Variants in SHANK2 observed in about 807,000 individuals in gnomAD.
SHANK2 encodes the protein SH3 and multiple ankyrin repeat domains protein 2.
SHANK2 carries 43 observed loss-of-function variants against 133.7 expected under a neutral mutation model. That is an observed-to-expected ratio of 0.32 (90% CI 0.25 to 0.41). The LOEUF is 0.41. Ranked by LOEUF, SHANK2 falls within the 10% of genes least tolerant of loss-of-function variation. SHANK2 has a pLI of 1.00. For missense variants in SHANK2, 1,994 were observed against 2,235.8 expected, an observed-to-expected ratio of 0.89 and a Z score of 2.18; for synonymous variants, 1,017 against 952.8, an observed-to-expected ratio of 1.07 and a Z score of -1.24.
chr11:70,499,099 G>A (rs542613015), intron 21 of SHANK2, among the ~76,000 whole-genome samples: 1 of 152,348 alleles, frequency 6.6e-6, no homozygotes, highest in African/African-American at 2.4e-5. Context: ...GAGGCAGCAC[G>A]AGGGGCCTGG....
chr11:70,685,279 G>A (rs575077045), intron 15 of SHANK2, among the ~76,000 whole-genome samples: 20 of 151,994 alleles, frequency 1.3e-4, no homozygotes, highest in Non-Finnish European at 2.5e-4. Context: ...TCCTCCTGCC[G>A]CCCAGAAAAG....
intron 3 of SHANK2, among the ~76,000 whole-genome samples, chr11:71,141,287 G>A (rs1461549665): frequency 2.6e-5 from 4 of 151,944 alleles, no homozygotes; most frequent in Admixed American, 6.6e-5. Context: ...GAGGTCAGGC[G>A]TTCGAGACCA....
At chr11:70,677,630 G>A (rs1189605248) in intron 15 of SHANK2, among the ~76,000 whole-genome samples, 1 of 152,112 alleles carries the variant, frequency 6.6e-6, no homozygotes, top group Non-Finnish European at 1.5e-5. Flanking sequence ...ATATGACCAC[G>A]TCCACTGCTG....
At chr11:70,617,764 G>A (rs2060771300) in intron 17 of SHANK2, among the ~76,000 whole-genome samples, 1 of 152,162 alleles carries the variant, frequency 6.6e-6, no homozygotes, top group Non-Finnish European at 1.5e-5. Flanking sequence ...ACCATGCCAA[G>A]CATGTTAGAA....
chr11:71,110,555 C>T (rs183383026), intron 5 of SHANK2, among the ~76,000 whole-genome samples: 27 of 152,318 alleles, frequency 1.8e-4, no homozygotes, highest in Non-Finnish European at 2.9e-4. Flanking sequence ...GTGTTCATGC[C>T]TCTGCACTCC....
At chr11:71,165,635 G>A (rs1953128679) in intron 2 of SHANK2, among the ~76,000 whole-genome samples, 1 of 152,142 alleles carries the variant, frequency 6.6e-6, no homozygotes, top group Admixed American at 6.5e-5. Context: ...TCTTCCTCCT[G>A]GGAACTTCTC....
intron 17 of SHANK2, among the ~76,000 whole-genome samples, chr11:70,562,133 A>G (rs1450669994): frequency 2.0e-5 from 3 of 152,214 alleles, no homozygotes; most frequent in Admixed American, 6.5e-5. Context: ...CTGGTTTCTA[A>G]TACGATTCCG....
At chr11:70,516,776 T>C (rs1257906476) in intron 17 of SHANK2, among the ~76,000 whole-genome samples, 1 of 152,102 alleles carries the variant, frequency 6.6e-6, no homozygotes, top group Non-Finnish European at 1.5e-5. Flanking sequence ...AACAACTGAA[T>C]ATAAAAATGG....
intron 10 of SHANK2, among the ~76,000 whole-genome samples, chr11:70,919,886 G>T (rs1950325755): frequency 6.6e-6 from 1 of 152,152 alleles, no homozygotes; most frequent in African/African-American, 2.4e-5. Context: ...TGTCCTCCGG[G>T]CTCATTCCAT....
At chr11:70,690,494 T>TTG (rs1945260372) in intron 15 of SHANK2, among the ~76,000 whole-genome samples, 2 of 67,486 alleles carry the variant, frequency 3.0e-5, no homozygotes, top group African/African-American at 1.6e-4. Context: ...CCATGTTTTT[T>TTG]TTTTTTTTTT....
intron 3 of SHANK2, among the ~76,000 whole-genome samples, chr11:71,125,982 G>A (rs750194574): frequency 4.2e-4 from 64 of 152,070 alleles, no homozygotes; most frequent in Middle Eastern, 3.2e-3. Flanking sequence ...CACTTTAGGA[G>A]GCCAAGGTGG....
chr11:70,836,904 T>C (rs1948827395), intron 11 of SHANK2, among the ~76,000 whole-genome samples: 1 of 152,184 alleles, frequency 6.6e-6, no homozygotes, highest in South Asian at 2.1e-4. Context: ...TAGGGTTGGA[T>C]GAGGTCAAGG....
rs992458419 is a variant in SHANK2, at chr11:71,092,606, G to C, written c.745-17C>G. 3 of 1,549,358 alleles carry C rather than the reference G, an allele frequency of 1.9e-6. No homozygotes were observed. Among genetic ancestry groups the C allele is most frequent in the Non-Finnish European group, 1.7e-6 (2 of 1,145,250 alleles). The stretch of plus-strand genomic sequence containing the variant: ...TAAAAGGGTCTAGGAAAAAAAAATT[G>C]AAAGCCGTCGTTATTGGTCTCATGA... On this transcript the variant is annotated splice_polypyrimidine_tract_variant and intron_variant, in intron 7 of 25. Transcript: ENST00000601538.
At chr11:71,169,369 T>C (rs564879548) in intron 2 of SHANK2, among the ~76,000 whole-genome samples, 21 of 152,356 alleles carry the variant, frequency 1.4e-4, no homozygotes, top group South Asian at 2.1e-4. Context: ...CTTAGGATTC[T>C]TTAGGCCTGT....
chr11:71,220,002 T>C (rs1204904075), intron 2 of SHANK2, among the ~76,000 whole-genome samples: 17 of 152,096 alleles, frequency 1.1e-4, no homozygotes, highest in Admixed American at 7.9e-4. Flanking sequence ...GGTGGGTCAA[T>C]TGCTTGAGCT....
At chr11:71,057,194 C>T (rs1950931269) in intron 9 of SHANK2, among the ~76,000 whole-genome samples, 1 of 152,050 alleles carries the variant, frequency 6.6e-6, no homozygotes, top group African/African-American at 2.4e-5. Context: ...ATTAGCCGGG[C>T]ATGGAGGCAT....
chr11:71,250,014 T>C (rs1555125569), intron 1 of SHANK2, among the ~76,000 whole-genome samples: 1 of 152,078 alleles, frequency 6.6e-6, no homozygotes, highest in African/African-American at 2.4e-5. Context: ...AAGAAATGAA[T>C]GAATGAAAAT....
At chr11:70,728,970 C>G (rs540878402) in intron 14 of SHANK2, among the ~76,000 whole-genome samples, 1 of 151,934 alleles carries the variant, frequency 6.6e-6, no homozygotes, top group African/African-American at 2.4e-5. Context: ...TTTGGGAGGC[C>G]GAGGTGGGTG....
intron 12 of SHANK2, among the ~76,000 whole-genome samples, chr11:70,809,025 A>T (rs1015727775): frequency 1.1e-4 from 17 of 152,212 alleles, no homozygotes; most frequent in Non-Finnish European, 2.5e-4. Context: ...AGTAAGACAC[A>T]CCTTAACAGG....
Sources: allele counts gnomAD v4.1 joint callset (sites outside exome capture counted in the v4.1 genomes callset), GRCh38; gene constraint gnomAD v4.1.1; transcripts MANE v1.5; gene names NCBI Gene and HGNC (gene_info 2026-07-23, HGNC 2026-07-21).